Variants in ERBB4 observed in about 807,000 individuals in gnomAD.
ERBB4 encodes the protein receptor tyrosine-protein kinase erbB-4.
A neutral mutation model predicts 158.0 loss-of-function variants in ERBB4; 42 were observed. That is an observed-to-expected ratio of 0.27 (90% CI 0.21 to 0.34). The LOEUF is 0.34. Among genes scored for constraint, ERBB4 ranks in the 10% least tolerant of loss-of-function variants. The pLI is 1.00. For synonymous variants in ERBB4, 583 were observed against 558.7 expected, an observed-to-expected ratio of 1.04 and a Z score of -0.61; for missense variants, 1,333 against 1,624.1, an observed-to-expected ratio of 0.82 and a Z score of 3.08.
intron 20 of ERBB4, among the ~76,000 whole-genome samples, chr2:211,553,449 A>C (rs1183439761): frequency 6.6e-6 from 1 of 152,204 alleles, no homozygotes; most frequent in Non-Finnish European, 1.5e-5. Flanking sequence ...TCTATGAACA[A>C]ATGCTAAATA....
At chr2:211,392,589 CACACACACACA>C (rs2062823109) in intron 25 of ERBB4, among the ~76,000 whole-genome samples, 1 of 150,834 alleles carries the variant, frequency 6.6e-6, no homozygotes, top group African/African-American at 2.5e-5. Flanking sequence ...CACACACACA[CACACACACACA>C]CCCCAATAAT....
intron 3 of ERBB4, among the ~76,000 whole-genome samples, chr2:211,912,363 A>G (rs1241931497): frequency 5.3e-5 from 8 of 152,042 alleles, no homozygotes; most frequent in African/African-American, 1.9e-4. Context: ...TTTACCTTCC[A>G]AGAGTAAATT....
intron 20 of ERBB4, among the ~76,000 whole-genome samples, chr2:211,517,454 A>G (rs2066066655): frequency 6.6e-6 from 1 of 152,096 alleles, no homozygotes; most frequent in Non-Finnish European, 1.5e-5. Flanking sequence ...TTTCTTCTAA[A>G]TAGTTTCCTG....
chr2:211,423,664 TTCCCACC>T (rs1174337015), intron 23 of ERBB4, among the ~76,000 whole-genome samples: 1 of 151,980 alleles, frequency 6.6e-6, no homozygotes, highest in Non-Finnish European at 1.5e-5. Flanking sequence ...TTCTTCCCAC[TTCCCACC>T]TTGTCCTGCT....
At chr2:211,536,388 A>C (rs535148411) in intron 20 of ERBB4, among the ~76,000 whole-genome samples, 15 of 152,198 alleles carry the variant, frequency 9.9e-5, no homozygotes, top group Non-Finnish European at 2.1e-4. Flanking sequence ...TAAACTTGAA[A>C]GATGGGTCTT....
intron 2 of ERBB4, among the ~76,000 whole-genome samples, chr2:211,948,660 A>T (rs956170646): frequency 2.6e-5 from 4 of 151,596 alleles, no homozygotes; most frequent in East Asian, 1.9e-4. Flanking sequence ...GTCAGAATTT[A>T]AAAAAAACTA....
intron 3 of ERBB4, among the ~76,000 whole-genome samples, chr2:211,827,048 G>A (rs187153270): frequency 2.0e-5 from 3 of 152,046 alleles, no homozygotes; most frequent in African/African-American, 7.2e-5. Context: ...AAATACATCT[G>A]TGTATATATA....
At chr2:212,310,029 T>C (rs2086969551) in intron 1 of ERBB4, among the ~76,000 whole-genome samples, 1 of 150,610 alleles carries the variant, frequency 6.6e-6, no homozygotes, top group Non-Finnish European at 1.5e-5. Context: ...ATGTAACTGA[T>C]TCTATAGAAA....
chr2:211,648,186 T>A (rs1253959300), intron 16 of ERBB4, among the ~76,000 whole-genome samples: 1 of 151,848 alleles, frequency 6.6e-6, no homozygotes, highest in Non-Finnish European at 1.5e-5. Flanking sequence ...ATTTTCCTCA[T>A]AAAATTTGTT....
chr2:212,127,609 T>TA (rs1003031647), intron 1 of ERBB4, among the ~76,000 whole-genome samples: 7 of 152,054 alleles, frequency 4.6e-5, no homozygotes, highest in African/African-American at 1.2e-4. Context: ...AATAAATATT[T>TA]AAAAAAACAC....
intron 2 of ERBB4, among the ~76,000 whole-genome samples, chr2:212,093,124 C>G (rs1170921571): frequency 2.0e-5 from 3 of 152,060 alleles, no homozygotes; most frequent in Admixed American, 1.3e-4. Flanking sequence ...TTTTTCTATT[C>G]CAGAAAGCAG....
At chr2:211,898,794 ACCT>A (rs1416901993) in intron 3 of ERBB4, among the ~76,000 whole-genome samples, 2 of 151,866 alleles carry the variant, frequency 1.3e-5, no homozygotes, top group African/African-American at 4.8e-5. Context: ...TGCTGTTGAA[ACCT>A]CCTGTAGTCA....
chr2:212,293,960 C>T (rs17346726), intron 1 of ERBB4, among the ~76,000 whole-genome samples: 4,527 of 150,082 alleles, frequency 0.03, 86 homozygotes, highest in Middle Eastern at 0.045. Flanking sequence ...AGAGAGTCAA[C>T]GAAGTATTTT....
Position 211,660,490 on chromosome 2 carries a change from C to A in ERBB4, c.1872-2662G>T, listed in dbSNP as rs73080746. ...CTAGCTTTGCTAATAGTGGTACTATCCTTGAGAGAATCCAAGAAGATGAAT... is the reference window on the plus strand; with the variant it reads ...CTAGCTTTGCTAATAGTGGTACTATACTTGAGAGAATCCAAGAAGATGAAT... On this transcript the variant is annotated intron_variant, in intron 15 of 27. Transcript: ENST00000342788. Among the ~76,000 whole-genome samples the A allele has an allele frequency of 7.6e-3, 1,160 of 152,252 alleles. 13 individuals are homozygous for A. Among genetic ancestry groups the A allele is most frequent in the African/African-American group, 0.026 (1,080 of 41,542 alleles).
At chr2:211,489,545 G>A (rs997846628) in intron 20 of ERBB4, among the ~76,000 whole-genome samples, 19 of 151,774 alleles carry the variant, frequency 1.3e-4, no homozygotes, top group African/African-American at 4.1e-4. Flanking sequence ...TAATAGCTAT[G>A]TTCATTTTCT....
At chr2:211,418,903 C>T (rs2063453316) in intron 25 of ERBB4, among the ~76,000 whole-genome samples, 1 of 152,036 alleles carries the variant, frequency 6.6e-6, no homozygotes, top group Non-Finnish European at 1.5e-5. Context: ...CCCCATTGGG[C>T]ATGTGATAAA....
rs577045264 is a variant in ERBB4, at chr2:211,412,376, T to G, written c.3135+8065A>C. Among the ~76,000 whole-genome samples, 4 of 152,322 alleles carry G rather than the reference T, an allele frequency of 2.6e-5. No individual in the cohort carries two copies. In the South Asian group the frequency reaches 8.3e-4, roughly 32 times the overall value. On this transcript the variant is annotated intron_variant, in intron 25 of 27. Transcript: ENST00000342788. ...TTCTTCTGATCCATTTCAGATCTGC[T>G]CATCTGCTCCACCAAAATGATTTCT...
intron 1 of ERBB4, among the ~76,000 whole-genome samples, chr2:212,521,917 AGTTAG>A (rs1692191794): frequency 6.6e-6 from 1 of 151,944 alleles, no homozygotes; most frequent in Admixed American, 6.6e-5. Context: ...CACAATGTTA[AGTTAG>A]AAGAGTGGCA....
At chr2:211,663,069 C>T (rs1036399474) in intron 15 of ERBB4, among the ~76,000 whole-genome samples, 1 of 152,072 alleles carries the variant, frequency 6.6e-6, no homozygotes, top group African/African-American at 2.4e-5. Flanking sequence ...TCTATATGCT[C>T]AATTTGGAAA....
Sources: gnomAD v4.1 joint callset for allele counts (sites outside exome capture counted in the v4.1 genomes callset) on GRCh38, gnomAD v4.1.1 for gene constraint, MANE v1.5 for transcripts, NCBI Gene and HGNC (gene_info 2026-07-23, HGNC 2026-07-21) for gene names.